The following DPY30 variants were observed in gnomAD, a reference collection of about 807,000 sequenced individuals.
The protein encoded by DPY30 is dpy-30 histone methyltransferase complex regulatory subunit.
A neutral mutation model predicts 16.2 loss-of-function variants in DPY30; 6 were observed. The observed-to-expected ratio is 0.37, with a 90% confidence interval of 0.20 to 0.73. The LOEUF is 0.73. DPY30 is among the 30% of genes least tolerant of loss of function. The pLI, the probability that DPY30 is intolerant of heterozygous loss-of-function variation, is 0.51. For missense variants in DPY30, 73 were observed against 113.1 expected (o/e 0.65, Z 1.61); for synonymous variants, 39 against 38.8 (o/e 1.00, Z -0.02).
chr2:32,028,236 C>G (rs1675407093), intron 4 of DPY30, among the ~76,000 whole-genome samples: 1 of 151,668 alleles, frequency 6.6e-6, no homozygotes, highest in South Asian at 2.1e-4. Flanking sequence ...CCCACCTTGG[C>G]CTCCCAAGCA....
At chr2:32,028,168 T>C (rs969734156) in intron 4 of DPY30, among the ~76,000 whole-genome samples, 1 of 150,062 alleles carries the variant, frequency 6.7e-6, no homozygotes, top group Non-Finnish European at 1.5e-5. Flanking sequence ...TGGAGTGCAG[T>C]GGTGCGATCA....
chr2:32,036,499 G>A (rs370495981), intron 3 of DPY30, among the ~76,000 whole-genome samples: 12 of 151,998 alleles, frequency 7.9e-5, no homozygotes, highest in Middle Eastern at 3.4e-3. Context: ...GTGAAACCCC[G>A]TCTCTACTAA....
rs1358257770 is a variant in DPY30, at chr2:32,039,318, T to G, written c.45A>C (p.Glu15Asp). 6.2e-7 allele frequency: 1 copy of G among 1,614,036 alleles called. No individual in the cohort carries two copies. The highest frequency in any genetic ancestry group is 1.7e-5 in the Admixed American group (1 of 59,994). The change falls in exon 3 of 5, where the codon GAA (glutamate) becomes GAC (aspartate). Residue 15 changes from glutamate to aspartate, a missense_variant. Around this residue, in one of 3 missense-constraint regions of DPY30, gnomAD observed 52 missense variants for 71.5 expected, o/e 0.73. Transcript: ENST00000342166. ...TGAGACCGTACTCAGAGTGAGGATT[T>G]TCTGCAACCTAGAAAACAAAACACC... The part of the protein sequence containing the change: ...QMLEGQTQVA[E>D]NPHSEYGLTD...
rs899417732 is a variant in DPY30 at position 32,039,754 on chromosome 2, T to C, written c.-58A>G. On this transcript the variant is annotated 5_prime_UTR_variant, in exon 1 of 5. Transcript: ENST00000342166. Reference sequence around the variant, plus strand: ...TTACCCGCGCCCAAGCCGTTCGTTCTTAAGAGCCCTGCACCGCGCCACCAG... The same window carrying C: ...TTACCCGCGCCCAAGCCGTTCGTTCCTAAGAGCCCTGCACCGCGCCACCAG... 1 of 527,126 alleles carries C rather than the reference T, an allele frequency of 1.9e-6. No homozygotes were observed. The highest frequency in any genetic ancestry group is 1.9e-5 in the African/African-American group (1 of 52,482). The allele number at this position is 527,126 out of a possible 1,614,324, so 32.7% of individuals were successfully genotyped here.
chr2:32,017,097 G>A (rs1336595524), intron 5 of DPY30, among the ~76,000 whole-genome samples: 1 of 151,708 alleles, frequency 6.6e-6, no homozygotes, highest in African/African-American at 2.4e-5. Context: ...TGGCCAGGCT[G>A]GTCTCAAACT....
chr2:32,039,626 C>T, intron 1 of DPY30, 107 bp downstream of exon 1: 1 of 751,844 alleles, frequency 1.3e-6, no homozygotes, highest in Middle Eastern at 3.8e-4. Flanking sequence ...AGTAGAGCAG[C>T]AGAGTGGGAC....
rs117648588 is a variant in DPY30 at position 32,024,338 on chromosome 2, T to G, written c.228-82A>C. Reference sequence around the variant, plus strand: ...AAACATATTGTTCCATAATGAAAACTCATCTTTTTAAGTTTAATTTTCATT... The same window carrying G: ...AAACATATTGTTCCATAATGAAAACGCATCTTTTTAAGTTTAATTTTCATT... On this transcript the variant is annotated intron_variant, in intron 4 of 4. Coordinates refer to ENST00000342166, the MANE Select transcript of DPY30 (RefSeq NM_001321209.2). 6.3e-5 allele frequency: 65 copies of G among 1,032,594 alleles called. No individual in the cohort carries two copies. The East Asian group carries it at 1.7e-3, about 27-fold the overall frequency. The allele number at this position is 1,032,594 out of a possible 1,614,324, so 64.0% of individuals were successfully genotyped here. A position where few individuals can be genotyped will look rare whatever the true frequency, so the allele number is the denominator to read the frequency against.
chr2:32,029,474 AAAACTTT>A, intron 4 of DPY30, 113 bp downstream of exon 4: 1 of 1,231,766 alleles, frequency 8.1e-7, no homozygotes, highest in Non-Finnish European at 1.1e-6. Flanking sequence ...TACTTTCTTA[AAAACTTT>A]AACATCCATA....
At chr2:32,017,653 T>C (rs1675090563) in intron 5 of DPY30, among the ~76,000 whole-genome samples, 1 of 151,952 alleles carries the variant, frequency 6.6e-6, no homozygotes. Context: ...TCTCACATTA[T>C]GGCACTCTTT....
chr2:32,027,001 C>T (rs1427758334), intron 4 of DPY30, among the ~76,000 whole-genome samples: 2 of 149,910 alleles, frequency 1.3e-5, no homozygotes, highest in African/African-American at 2.5e-5. Context: ...AAGGGCCAGG[C>T]ACGATGGCTC....
chr2:32,014,382 G>A (rs1675023734), intron 5 of DPY30, among the ~76,000 whole-genome samples: 1 of 152,164 alleles, frequency 6.6e-6, no homozygotes, highest in South Asian at 2.1e-4. Flanking sequence ...AGGTACTTGG[G>A]AGGCTGAAGT....
chr2:32,032,294 T>G (rs1429845907), intron 3 of DPY30, among the ~76,000 whole-genome samples: 1 of 152,244 alleles, frequency 6.6e-6, no homozygotes, highest in Non-Finnish European at 1.5e-5. Context: ...CATTATTAAA[T>G]TTCAACAGAT....
intron 3 of DPY30, among the ~76,000 whole-genome samples, chr2:32,034,128 G>C (rs1016027644): frequency 2.0e-5 from 3 of 152,196 alleles, no homozygotes; most frequent in Non-Finnish European, 4.4e-5. Flanking sequence ...TGCACAGAAA[G>C]AGACTAAACA....
intron 4 of DPY30, 62 bp from the exon 5 acceptor site, chr2:32,024,318 T>C: frequency 8.4e-7 from 1 of 1,185,866 alleles, no homozygotes; most frequent in Non-Finnish European, 1.2e-6. Flanking sequence ...AATTTAAACA[T>C]ATTGTTCCAT....
intron 3 of DPY30, among the ~76,000 whole-genome samples, chr2:32,030,845 G>C (rs1489882182): frequency 6.6e-6 from 1 of 151,784 alleles, no homozygotes; most frequent in Non-Finnish European, 1.5e-5. Context: ...ACAGGTTTAA[G>C]AAAATACATT....
chr2:32,023,740 T>C, downstream of DPY30: 5 of 1,304,522 alleles, frequency 3.8e-6, no homozygotes, highest in Non-Finnish European at 5.1e-6. Context: ...CCAGAAACAA[T>C]GCTGAGAAAA....
intron 5 of DPY30, among the ~76,000 whole-genome samples, chr2:32,016,427 C>T (rs533576069): frequency 5.3e-5 from 8 of 152,260 alleles, no homozygotes; most frequent in Non-Finnish European, 1.2e-4. Flanking sequence ...TTGGTAATGC[C>T]ATTTTGGAAT....
downstream of DPY30, among the ~76,000 whole-genome samples, chr2:32,019,816 G>A (rs1432473382): frequency 4.8e-5 from 5 of 104,136 alleles, no homozygotes; most frequent in East Asian, 8.1e-4. Context: ...GCAAAACTCC[G>A]TCTCAAAAAA....
chr2:32,036,727 G>A (rs1675755683), intron 3 of DPY30, among the ~76,000 whole-genome samples: 1 of 150,950 alleles, frequency 6.6e-6, no homozygotes, highest in Non-Finnish European at 1.5e-5. Flanking sequence ...AATTAGCCGG[G>A]CATGGTTGGC....
Sources: gnomAD v4.1 joint callset for allele counts (sites outside exome capture counted in the v4.1 genomes callset) on GRCh38, gnomAD v4.1.1 for gene constraint, gnomAD v4.1.1 regional missense constraint, MANE v1.5 for transcripts, NCBI Gene and HGNC (gene_info 2026-07-23, HGNC 2026-07-21) for gene names.